ST6GALNAC5: variants seen among roughly 807,000 people sequenced by gnomAD.
ST6GALNAC5 encodes alpha-N-acetylgalactosaminide alpha-2,6-sialyltransferase 5.
In ST6GALNAC5, 27 loss-of-function variants were observed where a neutral mutation model predicts 33.6. The observed-to-expected ratio is 0.80, with a 90% CI of 0.59 to 1.11. The LOEUF is 1.11. Among genes scored for constraint, ST6GALNAC5 ranks in the 50% least tolerant of loss-of-function variants. The pLI is 0.00. For synonymous variants in ST6GALNAC5, 194 were observed against 171.2 expected, an observed-to-expected ratio of 1.13 and a Z score of -1.04; for missense variants, 428 against 454.0, an observed-to-expected ratio of 0.94 and a Z score of 0.52.
intron 2 of ST6GALNAC5, among the ~76,000 whole-genome samples, chr1:76,974,864 C>T (rs901787692): frequency 1.5e-5 from 2 of 134,740 alleles, no homozygotes; most frequent in African/African-American, 2.8e-5. Flanking sequence ...CTCACTGCAG[C>T]AACTTCCGCC....
At chr1:76,900,700 T>A (rs1249056456) in intron 2 of ST6GALNAC5, among the ~76,000 whole-genome samples, 1 of 152,204 alleles carries the variant, frequency 6.6e-6, no homozygotes, top group Non-Finnish European at 1.5e-5. Flanking sequence ...AAAATCATTA[T>A]CTTTTAAAAT....
At chr1:76,879,838 A>T (rs563412528) in intron 2 of ST6GALNAC5, among the ~76,000 whole-genome samples, 46 of 149,898 alleles carry the variant, frequency 3.1e-4, no homozygotes, top group African/African-American at 1.1e-3. Context: ...TCCTCCACAC[A>T]TCCCATTCCA....
intron 2 of ST6GALNAC5, among the ~76,000 whole-genome samples, chr1:76,903,534 A>G (rs1646837380): frequency 6.6e-6 from 1 of 152,216 alleles, no homozygotes; most frequent in Non-Finnish European, 1.5e-5. Flanking sequence ...ACTCCTAGGT[A>G]TATGCCAATA....
At chr1:76,947,116 T>G (rs1647547754) in intron 2 of ST6GALNAC5, among the ~76,000 whole-genome samples, 1 of 152,068 alleles carries the variant, frequency 6.6e-6, no homozygotes, top group African/African-American at 2.4e-5. Flanking sequence ...GCTCCAGAAT[T>G]CATACATTTT....
rs1306025518 is a variant in ST6GALNAC5 at position 77,067,114 on chromosome 1, C to T, written c.*3908C>T. Among the ~76,000 whole-genome samples the T allele has an allele frequency of 6.6e-6, 1 of 152,002 alleles. No homozygotes were observed. The highest frequency in any genetic ancestry group is 2.4e-5 in the African/African-American group (1 of 41,354). On this transcript the variant is annotated 3_prime_UTR_variant, in exon 5 of 5. Transcript: ENST00000477717. ...TCCTGGGCTCCATGACAGTGGCTCACCCTATCAGAAGGCCACGTCAAAGAG... is the reference window on the plus strand; with the variant it reads ...TCCTGGGCTCCATGACAGTGGCTCATCCTATCAGAAGGCCACGTCAAAGAG...
chr1:77,038,637 T>C (rs1159217621), intron 2 of ST6GALNAC5, among the ~76,000 whole-genome samples: 5 of 152,208 alleles, frequency 3.3e-5, no homozygotes, highest in Admixed American at 6.5e-5. Flanking sequence ...TTAATTTCAG[T>C]TGGCCTGGCC....
At chr1:77,033,325 G>A (rs1393834849) in intron 2 of ST6GALNAC5, among the ~76,000 whole-genome samples, 3 of 152,164 alleles carry the variant, frequency 2.0e-5, no homozygotes, top group African/African-American at 7.2e-5. Flanking sequence ...GTGCAGAATC[G>A]CTGCCTCATG....
In ST6GALNAC5 at chr1:77,050,375, AT is replaced by A. The variant is rs1279529934; in HGVS notation, c.779+12del. 1 of 1,610,060 alleles carries A rather than the reference AT, an allele frequency of 6.2e-7. No individual in the cohort carries two copies. The highest frequency in any genetic ancestry group is 1.1e-5 in the South Asian group (1 of 90,972). ...CCCCAGACTTCTGCAGGTAGGATTTATTCTGCAAGTGTAAATCATCAGCCGT... is the reference window on the plus strand; with the variant it reads ...CCCCAGACTTCTGCAGGTAGGATTTATCTGCAAGTGTAAATCATCAGCCGT... On this transcript the variant is annotated intron_variant, in intron 4 of 4. Transcript: ENST00000477717.
chr1:76,996,752 C>T (rs1342796128), intron 2 of ST6GALNAC5, among the ~76,000 whole-genome samples: 1 of 152,132 alleles, frequency 6.6e-6, no homozygotes, highest in Non-Finnish European at 1.5e-5. Context: ...CTGGAAAATA[C>T]AGGCACTGAA....
chr1:76,895,661 C>T (rs1654114889), intron 2 of ST6GALNAC5, among the ~76,000 whole-genome samples: 1 of 152,046 alleles, frequency 6.6e-6, no homozygotes, highest in African/African-American at 2.4e-5. Flanking sequence ...GGGGATAGCA[C>T]CAGGAGATAT....
intron 2 of ST6GALNAC5, among the ~76,000 whole-genome samples, chr1:76,872,076 C>CACAA (rs1653519203): frequency 8.9e-6 from 1 of 112,786 alleles, no homozygotes; most frequent in Non-Finnish European, 1.9e-5. Flanking sequence ...CTAACACACA[C>CACAA]ACACACACAC....
intron 2 of ST6GALNAC5, among the ~76,000 whole-genome samples, chr1:77,035,631 A>AT (rs1363962674): frequency 3.3e-5 from 5 of 152,296 alleles, no homozygotes; most frequent in South Asian, 2.1e-4. Context: ...AGTAGATGCA[A>AT]TTGAAAGCCT....
At chr1:76,980,830 T>C (rs1557746571) in intron 2 of ST6GALNAC5, among the ~76,000 whole-genome samples, 1 of 152,068 alleles carries the variant, frequency 6.6e-6, no homozygotes, top group Admixed American at 6.5e-5. Context: ...TTAGATGTGA[T>C]ACCAAAAACA....
chr1:76,976,332 AATTT>A lies in ST6GALNAC5; in HGVS notation c.262-67866_262-67863del, dbSNP rs1391836867. Among the ~76,000 whole-genome samples the A allele has an allele frequency of 5.3e-5, 8 of 152,268 alleles. No homozygotes were observed. In the East Asian group the frequency reaches 1.5e-3, roughly 29 times the overall value. On this transcript the variant is annotated intron_variant, in intron 2 of 4. Transcript: ENST00000477717. ...AAGAATTTAAAAATTATTTGCTTATAATTTATTTAAAATTTTCACATCACTATTC... is the reference window on the plus strand; with the variant it reads ...AAGAATTTAAAAATTATTTGCTTATAATTTAAAATTTTCACATCACTATTC...
In ST6GALNAC5 at chr1:77,044,196, C is replaced by A; in HGVS notation, c.262-8C>A. The A allele has an allele frequency of 1.3e-6, 2 of 1,586,820 alleles. No individual in the cohort carries two copies. The highest frequency in any genetic ancestry group is 1.7e-6 in the Non-Finnish European group (2 of 1,163,166). ...CCCTGACAGTGTCCTTCTCCCCCTG[C>A]CTTCCAGCCCCTGAAAATGCACTGC... On this transcript the variant is annotated splice_polypyrimidine_tract_variant and splice_region_variant and intron_variant, in intron 2 of 4. Coordinates refer to ENST00000477717, the MANE Select transcript of ST6GALNAC5 (RefSeq NM_030965.3).
chr1:76,952,276 C>T (rs1647779188), intron 2 of ST6GALNAC5, among the ~76,000 whole-genome samples: 1 of 152,014 alleles, frequency 6.6e-6, no homozygotes, highest in Non-Finnish European at 1.5e-5. Flanking sequence ...CCTTATATAA[C>T]ATTTTCACTA....
At chr1:76,906,357 T>C (rs1012045666) in intron 2 of ST6GALNAC5, among the ~76,000 whole-genome samples, 2 of 152,142 alleles carry the variant, frequency 1.3e-5, no homozygotes, top group African/African-American at 4.8e-5. Flanking sequence ...AAGGATCATT[T>C]CCTCCATGGG....
intron 2 of ST6GALNAC5, among the ~76,000 whole-genome samples, chr1:76,924,144 A>G (rs1293439708): frequency 6.6e-6 from 1 of 152,132 alleles, no homozygotes; most frequent in African/African-American, 2.4e-5. Flanking sequence ...CTTTACCTCC[A>G]GATAAAGAAG....
At chr1:77,058,936 G>A (rs145937795) in intron 4 of ST6GALNAC5, among the ~76,000 whole-genome samples, 106 of 152,318 alleles carry the variant, frequency 7.0e-4, no homozygotes, top group African/African-American at 2.4e-3. Context: ...TCAGTTAAGC[G>A]CAGAAGCTGA....
Sources: allele counts gnomAD v4.1 joint callset (sites outside exome capture counted in the v4.1 genomes callset), GRCh38; gene constraint gnomAD v4.1.1; transcripts MANE v1.5; gene names NCBI Gene and HGNC (gene_info 2026-07-23, HGNC 2026-07-21).